The following SLC22A15 variants were observed in gnomAD, a reference collection of about 807,000 sequenced individuals.
SLC22A15 encodes solute carrier family 22 member 15.
Under a neutral mutation model 62.7 loss-of-function variants are expected in SLC22A15, and 45 were observed. The observed-to-expected ratio is 0.72, with a 90% CI of 0.56 to 0.92. The LOEUF (loss-of-function observed/expected upper bound fraction) is 0.92, where lower values mean the gene tolerates loss of function less well. Among genes scored for constraint, SLC22A15 ranks in the 40% least tolerant of loss-of-function variants. SLC22A15 has a pLI of 0.00. For synonymous variants in SLC22A15, 264 were observed against 267.0 expected, an observed-to-expected ratio of 0.99 and a Z score of 0.11; for missense variants, 622 against 665.6, an observed-to-expected ratio of 0.93 and a Z score of 0.72.
chr1:115,981,310 A>G (rs1436078781), intron 1 of SLC22A15, among the ~76,000 whole-genome samples: 1 of 152,204 alleles, frequency 6.6e-6, no homozygotes, highest in Non-Finnish European at 1.5e-5. Flanking sequence ...AGACCCTTTC[A>G]TGAGTCCAAA....
At chr1:115,989,781 C>CA (rs36098680) in intron 1 of SLC22A15, among the ~76,000 whole-genome samples, 131,990 of 145,902 alleles carry the variant, frequency 0.9, 60,079 homozygotes, top group East Asian at 0.99. Flanking sequence ...AACTCAGTCT[C>CA]AAAAAAAAAA....
chr1:116,046,587 G>A (rs1030088763), intron 8 of SLC22A15, among the ~76,000 whole-genome samples: 4 of 152,182 alleles, frequency 2.6e-5, no homozygotes, highest in South Asian at 2.1e-4. Context: ...TGAACAGAGC[G>A]CTGTGTGGAG....
rs745533511 is a variant in SLC22A15 at position 116,035,225 on chromosome 1, G to A, written c.983G>A (p.Ser328Asn). 4 of 1,613,260 alleles carry A rather than the reference G, an allele frequency of 2.5e-6. No homozygotes were observed. The highest frequency in any genetic ancestry group is 3.4e-6 in the Non-Finnish European group (4 of 1,179,494). ...TTGGTGTATTATGGCCTAACTCTGA[G>A]TGCGGGTGATCTAGGTGGAAGTATT... ...CSLVYYGLTL[S>N]AGDLGGSIYA... Residue 328 changes from serine to asparagine, a missense_variant, in exon 7 of 12, where the codon AGT (serine) becomes AAT (asparagine). Ser to Asn is a conservative substitution (Grantham distance 46, BLOSUM62 1). Coordinates refer to ENST00000369503, the MANE Select transcript of SLC22A15 (RefSeq NM_018420.3).
At chr1:115,985,386 G>A (rs910678454) in intron 1 of SLC22A15, among the ~76,000 whole-genome samples, 9 of 152,162 alleles carry the variant, frequency 5.9e-5, no homozygotes, top group Admixed American at 6.5e-5. Context: ...GCACTCTGAC[G>A]TTTGCACAAT....
At chr1:116,066,753 T>A (rs1285778700) in intron 11 of SLC22A15, 45 bp downstream of exon 11, 3 of 1,520,184 alleles carry the variant, frequency 2.0e-6, no homozygotes, top group African/African-American at 2.8e-5. Flanking sequence ...ATAGTGGCAG[T>A]TAATGAAAAA....
At chr1:115,982,401 T>C (rs1654652081) in intron 1 of SLC22A15, among the ~76,000 whole-genome samples, 1 of 152,206 alleles carries the variant, frequency 6.6e-6, no homozygotes, top group Non-Finnish European at 1.5e-5. Flanking sequence ...TATATAAATA[T>C]TGTATATCCA....
At position 116,066,668 on chromosome 1, in the gene SLC22A15, GAGA is replaced by G. The variant is rs1166030357; in HGVS notation, c.1520_1522del (p.Glu507del). 1.2e-6 allele frequency: 2 copies of G among 1,612,940 alleles called. No homozygotes were observed. Among genetic ancestry groups the G allele is most frequent in the Admixed American group, 1.7e-5 (1 of 59,872 alleles). ...CAGGTGTATTCGTATCGCAGGCTGGGAGAAGAAGCATTATCTTTACAGGCTTTG... is the reference window on the plus strand; with the variant it reads ...CAGGTGTATTCGTATCGCAGGCTGGGAGAAGCATTATCTTTACAGGCTTTG... On this transcript the variant is annotated inframe_deletion, in exon 11 of 12. Transcript: ENST00000369503.
At chr1:115,977,053 T>C (rs970982687) in intron 1 of SLC22A15, among the ~76,000 whole-genome samples, 2 of 152,186 alleles carry the variant, frequency 1.3e-5, no homozygotes, top group African/African-American at 4.8e-5. Flanking sequence ...CCCTACGCTG[T>C]TGCCTATAAC....
At chr1:116,027,207 C>A in intron 5 of SLC22A15, 185 bp downstream of exon 5, 1 of 661,836 alleles carries the variant, frequency 1.5e-6, no homozygotes, top group Non-Finnish European at 2.8e-6. Flanking sequence ...TTAATTAATT[C>A]AGAATGCAGG....
chr1:116,006,926 C>T (rs747918412), intron 2 of SLC22A15, among the ~76,000 whole-genome samples: 6 of 152,014 alleles, frequency 3.9e-5, no homozygotes, highest in Non-Finnish European at 8.8e-5. Context: ...ACCCTGTCTC[C>T]CTCCCTCTTC....
intron 2 of SLC22A15, among the ~76,000 whole-genome samples, chr1:116,002,442 C>T (rs1200638915): frequency 6.6e-6 from 1 of 152,108 alleles, no homozygotes; most frequent in East Asian, 1.9e-4. Context: ...CAGCAGGTTC[C>T]CTTCTGGACC....
Position 116,035,287 on chromosome 1 carries a change from C to G in SLC22A15, c.1045C>G (p.Pro349Ala). The change falls in exon 7 of 12, where the codon CCA becomes GCA. Residue 349 changes from proline (P) to alanine (A), a missense_variant. Physicochemically the swap from Pro to Ala is conservative, Grantham distance 27. Transcript: ENST00000369503. ...GGCCCTGTCTGGCCTCATAGAGATT[C>G]CATCTTACCCTCTCTGTATCTACTT... ...NLALSGLIEI[P>A]SYPLCIYLIN... is the part of the protein sequence containing the mutation. 3 of 1,613,152 alleles carry G rather than the reference C, an allele frequency of 1.9e-6. No individual in the cohort carries two copies. Among genetic ancestry groups the G allele is most frequent in the Non-Finnish European group, 2.5e-6 (3 of 1,179,464 alleles).
intron 8 of SLC22A15, among the ~76,000 whole-genome samples, chr1:116,040,514 G>A (rs1657749392): frequency 6.6e-6 from 1 of 152,208 alleles, no homozygotes; most frequent in African/African-American, 2.4e-5. Context: ...CACGTCCAAG[G>A]TTGCATAGCA....
intron 6 of SLC22A15, chr1:116,032,394 T>C: frequency 1.0e-6 from 1 of 985,370 alleles, no homozygotes; most frequent in Non-Finnish European, 1.2e-6. Flanking sequence ...CCTACTAGCC[T>C]AAAGGACAGT....
chr1:116,053,205 T>C (rs1658108876), intron 8 of SLC22A15, among the ~76,000 whole-genome samples: 1 of 152,094 alleles, frequency 6.6e-6, no homozygotes, highest in Non-Finnish European at 1.5e-5. Context: ...AGAGAAGTGC[T>C]TAAAGGAGCT....
At chr1:116,057,241 G>A (rs1208813518) in intron 8 of SLC22A15, among the ~76,000 whole-genome samples, 1 of 151,934 alleles carries the variant, frequency 6.6e-6, no homozygotes, top group Non-Finnish European at 1.5e-5. Context: ...CAAAAAGTGG[G>A]CAAAGGATAT....
intron 2 of SLC22A15, among the ~76,000 whole-genome samples, chr1:116,013,329 C>A (rs17035100): frequency 0.024 from 3,669 of 152,174 alleles, 153 homozygotes; most frequent in African/African-American, 0.085. Flanking sequence ...GATTCTGTTA[C>A]CCTGTCTAAG....
At chr1:115,984,329 G>A (rs1654752361) in intron 1 of SLC22A15, among the ~76,000 whole-genome samples, 1 of 152,104 alleles carries the variant, frequency 6.6e-6, no homozygotes, top group South Asian at 2.1e-4. Flanking sequence ...ACCTGCTCAA[G>A]TATCATATTA....
chr1:116,068,258 A>C lies in SLC22A15; in HGVS notation c.*1150A>C, dbSNP rs1303621631. ...TGTTTTCTCATGAAACTTGAATACT[A>C]TCTCAAATAGGAATATAAACCTGGA... On this transcript the variant is annotated 3_prime_UTR_variant, in exon 12 of 12. Transcript: ENST00000369503. 1 of 152,672 alleles carries C rather than the reference A, an allele frequency of 6.5e-6. No homozygotes were observed. Among genetic ancestry groups the C allele is most frequent in the Non-Finnish European group, 1.5e-5 (1 of 68,046 alleles). The allele number at this position is 152,672 out of a possible 1,614,324, so 9.5% of individuals were successfully genotyped here.
Sources: allele counts gnomAD v4.1 joint callset (sites outside exome capture counted in the v4.1 genomes callset), GRCh38; gene constraint gnomAD v4.1.1; transcripts MANE v1.5; gene names NCBI Gene and HGNC (gene_info 2026-07-23, HGNC 2026-07-21).